LINGO2: variants seen among roughly 807,000 people sequenced by gnomAD.
LINGO2 encodes leucine rich repeat and Ig domain containing 2.
In LINGO2, 14 loss-of-function variants were observed where a neutral mutation model predicts 30.6. The observed-to-expected ratio is 0.46, with a 90% CI of 0.30 to 0.72. The LOEUF (loss-of-function observed/expected upper bound fraction) is 0.72. Among genes scored for constraint, LINGO2 ranks in the 30% least tolerant of loss-of-function variants. LINGO2 has a pLI of 0.07. For synonymous variants in LINGO2, 317 were observed against 288.5 expected, an observed-to-expected ratio of 1.10 and a Z score of -1.00; for missense variants, 729 against 751.7, an observed-to-expected ratio of 0.97 and a Z score of 0.35.
intron 3 of LINGO2, among the ~76,000 whole-genome samples, chr9:28,360,045 A>C (rs920051128): frequency 6.6e-6 from 1 of 152,192 alleles, no homozygotes; most frequent in Non-Finnish European, 1.5e-5. Context: ...CATGTACACT[A>C]AAACTTTTCC....
chr9:28,634,579 G>C (rs141128643), intron 1 of LINGO2, among the ~76,000 whole-genome samples: 4 of 146,698 alleles, frequency 2.7e-5, no homozygotes, highest in Non-Finnish European at 4.5e-5. Context: ...ACCGCCTTCC[G>C]AGTTCAAGCA....
At chr9:28,229,499 G>T (rs746731337) in intron 4 of LINGO2, among the ~76,000 whole-genome samples, 4 of 151,528 alleles carry the variant, frequency 2.6e-5, no homozygotes, top group Non-Finnish European at 5.9e-5. Context: ...GAAAGGTAAA[G>T]GACCCTCCCT....
At chr9:28,256,043 T>C (rs1433678622) in intron 4 of LINGO2, among the ~76,000 whole-genome samples, 1 of 152,010 alleles carries the variant, frequency 6.6e-6, no homozygotes, top group Non-Finnish European at 1.5e-5. Context: ...TCTGAGGGAA[T>C]GTTTCAGATC....
chr9:28,969,222 C>G, the LINGO2 span, among the ~76,000 whole-genome samples: 1 of 152,038 alleles, frequency 6.6e-6, no homozygotes, highest in Non-Finnish European at 1.5e-5. Flanking sequence ...TATTGGATGT[C>G]TTATGTGACA....
At chr9:28,228,107 C>T (rs1321876155) in intron 4 of LINGO2, among the ~76,000 whole-genome samples, 4 of 151,742 alleles carry the variant, frequency 2.6e-5, no homozygotes, top group Admixed American at 2.0e-4. Flanking sequence ...AACATATTGG[C>T]TTTGAAAAAA....
chr9:28,189,791 G>A (rs1262448703), intron 4 of LINGO2, among the ~76,000 whole-genome samples: 1 of 152,056 alleles, frequency 6.6e-6, no homozygotes, highest in Non-Finnish European at 1.5e-5. Flanking sequence ...AGAACCAAAA[G>A]CTTGAAGCAG....
chr9:27,978,858 G>C (rs1314585798), intron 5 of LINGO2, among the ~76,000 whole-genome samples: 1 of 151,984 alleles, frequency 6.6e-6, no homozygotes, highest in Non-Finnish European at 1.5e-5. Flanking sequence ...ATACAGAAAA[G>C]CTATTGATTC....
chr9:28,477,904 C>T (rs1001009619), intron 1 of LINGO2, among the ~76,000 whole-genome samples: 3 of 152,064 alleles, frequency 2.0e-5, no homozygotes, highest in Admixed American at 1.3e-4. Flanking sequence ...CAAACATTAC[C>T]GTATATAGTT....
At chr9:28,622,951 C>G (rs995596733) in intron 1 of LINGO2, among the ~76,000 whole-genome samples, 1 of 151,978 alleles carries the variant, frequency 6.6e-6, no homozygotes, top group African/African-American at 2.4e-5. Context: ...TGATGTCAAG[C>G]ACCTTATTAT....
chr9:28,589,463 C>T (rs943716221), intron 1 of LINGO2, among the ~76,000 whole-genome samples: 4 of 152,114 alleles, frequency 2.6e-5, no homozygotes, highest in African/African-American at 9.7e-5. Context: ...TCTCAGGATA[C>T]AAAATCAATG....
chr9:27,950,221 C>G (rs1819222410), exon 6 of LINGO2: 1 of 1,614,008 alleles, frequency 6.2e-7, no homozygotes, highest in Non-Finnish European at 8.5e-7. Flanking sequence ...TTATGTAGAT[C>G]TTGGAACATG....
At chr9:28,465,679 C>T (rs1024510691) in intron 2 of LINGO2, among the ~76,000 whole-genome samples, 15 of 152,090 alleles carry the variant, frequency 9.9e-5, no homozygotes, top group African/African-American at 3.6e-4. Context: ...AGACGATCCA[C>T]AGAATAGGAG....
chr9:28,587,405 G>A (rs923709363), intron 1 of LINGO2, among the ~76,000 whole-genome samples: 5 of 152,108 alleles, frequency 3.3e-5, no homozygotes, highest in African/African-American at 4.8e-5. Context: ...CACCTTCCTA[G>A]TCACAGAGAG....
chr9:28,937,617 T>A, the LINGO2 span, among the ~76,000 whole-genome samples: 1 of 151,948 alleles, frequency 6.6e-6, no homozygotes, highest in Non-Finnish European at 1.5e-5. Context: ...TGGGTGGCAG[T>A]TTTGCCCCTG....
intron 3 of LINGO2, among the ~76,000 whole-genome samples, chr9:28,362,214 A>ACG (rs1554711125): frequency 6.6e-6 from 1 of 151,006 alleles, no homozygotes; most frequent in Non-Finnish European, 1.5e-5. Context: ...TTGTGTGTGT[A>ACG]TGTGTGTGTG....
chr9:28,356,331 G>T (rs957715283), intron 3 of LINGO2, among the ~76,000 whole-genome samples: 5 of 151,966 alleles, frequency 3.3e-5, no homozygotes, highest in Admixed American at 1.3e-4. Context: ...GACCTCCTAG[G>T]TTTGTAGACC....
chr9:29,124,070 C>T, the LINGO2 span, among the ~76,000 whole-genome samples: 13,930 of 152,058 alleles, frequency 0.092, 854 homozygotes, highest in East Asian at 0.13. Flanking sequence ...GATATATAGA[C>T]CAATGGAACA....
At chr9:28,311,934 A>T (rs1824638553) in intron 3 of LINGO2, among the ~76,000 whole-genome samples, 1 of 152,160 alleles carries the variant, frequency 6.6e-6, no homozygotes, top group African/African-American at 2.4e-5. Context: ...CAGTAAAGAC[A>T]GGCGTAAGAA....
At chr9:28,825,407 GGAGTC>G in the LINGO2 span, among the ~76,000 whole-genome samples, 3,978 of 151,818 alleles carry the variant, frequency 0.026, 89 homozygotes, top group Non-Finnish European at 0.043. Flanking sequence ...TTGGCAAGCA[GGAGTC>G]GAATTGCAGA....
Sources: gnomAD v4.1 joint callset for allele counts (sites outside exome capture counted in the v4.1 genomes callset) on GRCh38, gnomAD v4.1.1 for gene constraint, MANE v1.5 for transcripts, NCBI Gene and HGNC (gene_info 2026-07-23, HGNC 2026-07-21) for gene names.